TMEM178B: variants seen among roughly 807,000 people sequenced by gnomAD.
The protein encoded by TMEM178B is transmembrane protein 178B.
A neutral mutation model predicts 31.0 loss-of-function variants in TMEM178B; 5 were observed. The ratio of observed to expected loss-of-function variants is 0.16; its 90% CI spans 0.08 to 0.34. The LOEUF is 0.34. TMEM178B is among the 10% of genes least tolerant of loss of function. The probability of loss-of-function intolerance (pLI) is 1.00; values close to 1 mark genes in which losing one functional copy is unlikely to be tolerated. For missense variants in TMEM178B, 275 were observed against 400.3 expected (o/e 0.69, Z 2.67); for synonymous variants, 164 against 164.0 (o/e 1.00, Z 0.00).
Position 141,480,358 on chromosome 7 carries a change from A to G in TMEM178B, c.*9572A>G, listed in dbSNP as rs564275514. The G allele has an allele frequency of 2.0e-5, 3 of 152,362 alleles. No homozygotes were observed. Among genetic ancestry groups the G allele is most frequent in the Admixed American group, 6.5e-5 (1 of 15,302 alleles). 9.4% of individuals were successfully genotyped at this position (152,362 alleles called of 1,614,324 possible). Reference sequence around the variant, plus strand: ...AAACTGATTAAACAATTAAATAAAGAAGATTATGTTGTGTGTTTTAAAGGA... The same window carrying G: ...AAACTGATTAAACAATTAAATAAAGGAGATTATGTTGTGTGTTTTAAAGGA... On this transcript the variant is annotated 3_prime_UTR_variant, in exon 4 of 4. Coordinates refer to ENST00000565468, the MANE Select transcript of TMEM178B (RefSeq NM_001195278.2).
At chr7:141,358,310 T>A (rs976781922) in intron 2 of TMEM178B, among the ~76,000 whole-genome samples, 1 of 152,206 alleles carries the variant, frequency 6.6e-6, no homozygotes, top group Admixed American at 6.5e-5. Flanking sequence ...CCCGCTTCTT[T>A]ATTTGCCCAT....
chr7:141,258,605 G>A (rs902636476), intron 2 of TMEM178B, among the ~76,000 whole-genome samples: 6 of 152,162 alleles, frequency 3.9e-5, no homozygotes, highest in African/African-American at 1.2e-4. Flanking sequence ...CTTTCAGCCC[G>A]AGGGCTTCCT....
intron 2 of TMEM178B, among the ~76,000 whole-genome samples, chr7:141,215,337 A>ATTTTTTTTTT (rs67571979): frequency 0.08 from 11,336 of 141,344 alleles, 622 homozygotes; most frequent in East Asian, 0.24. Context: ...TATTATTATT[A>ATTTTTTTTTT]TTTTTTGAGA....
At chr7:141,336,906 T>TCATCACCACCACCACCACCACCAC (rs1799404735) in intron 2 of TMEM178B, among the ~76,000 whole-genome samples, 11 of 39,596 alleles carry the variant, frequency 2.8e-4, no homozygotes, top group Non-Finnish European at 5.9e-4. Context: ...ACCACCACCA[T>TCATCACCACCACCACCACCACCAC]CATCACCACC....
intron 2 of TMEM178B, among the ~76,000 whole-genome samples, chr7:141,320,622 C>G (rs1015041196): frequency 6.6e-6 from 1 of 152,144 alleles, no homozygotes; most frequent in Non-Finnish European, 1.5e-5. Context: ...AATTCTGGAG[C>G]GCTTTACATA....
At chr7:141,290,256 C>T (rs1798522733) in intron 2 of TMEM178B, among the ~76,000 whole-genome samples, 1 of 152,212 alleles carries the variant, frequency 6.6e-6, no homozygotes, top group Non-Finnish European at 1.5e-5. Flanking sequence ...GTCATGTGTT[C>T]ACCCCAATTC....
chr7:141,308,386 AAGC>A (rs1798853376), intron 2 of TMEM178B, among the ~76,000 whole-genome samples: 1 of 152,170 alleles, frequency 6.6e-6, no homozygotes, highest in African/African-American at 2.4e-5. Flanking sequence ...AATTTTTTAA[AAGC>A]AGAACCATTT....
chr7:141,186,660 T>A (rs752303842), intron 1 of TMEM178B, among the ~76,000 whole-genome samples: 1 of 152,250 alleles, frequency 6.6e-6, no homozygotes, highest in Non-Finnish European at 1.5e-5. Flanking sequence ...CAACATCTTG[T>A]GCTGGGCCAT....
chr7:141,327,533 A>G (rs1391591427), intron 2 of TMEM178B, among the ~76,000 whole-genome samples: 1 of 152,148 alleles, frequency 6.6e-6, no homozygotes, highest in Non-Finnish European at 1.5e-5. Context: ...GATGTTATAG[A>G]TTTCATGAAT....
At chr7:141,271,474 A>G (rs1798180093) in intron 2 of TMEM178B, among the ~76,000 whole-genome samples, 1 of 152,184 alleles carries the variant, frequency 6.6e-6, no homozygotes, top group Admixed American at 6.5e-5. Context: ...TCCATTTCTC[A>G]TGCTCATCAT....
intron 2 of TMEM178B, among the ~76,000 whole-genome samples, chr7:141,343,110 C>T (rs920261911): frequency 2.0e-5 from 3 of 152,182 alleles, no homozygotes; most frequent in Admixed American, 6.5e-5. Context: ...AGCTCCCAAG[C>T]GATGCTCACG....
At chr7:141,509,582 G>C in the TMEM178B span, among the ~76,000 whole-genome samples, 1 of 152,114 alleles carries the variant, frequency 6.6e-6, no homozygotes, top group Non-Finnish European at 1.5e-5. Context: ...CCTGGGAGGT[G>C]GAGGTTGCAG....
intron 2 of TMEM178B, among the ~76,000 whole-genome samples, chr7:141,304,009 A>G (rs553314900): frequency 6.6e-6 from 1 of 152,316 alleles, no homozygotes; most frequent in Non-Finnish European, 1.5e-5. Context: ...TAGAAACCAG[A>G]TTTCAATCAA....
intron 1 of TMEM178B, among the ~76,000 whole-genome samples, chr7:141,090,289 G>C (rs990624230): frequency 6.6e-6 from 1 of 152,122 alleles, no homozygotes; most frequent in Non-Finnish European, 1.5e-5. Flanking sequence ...ACCTCAAGGG[G>C]TCCTCCCACC....
chr7:141,212,930 A>G (rs1797072980), intron 2 of TMEM178B, among the ~76,000 whole-genome samples: 1 of 152,254 alleles, frequency 6.6e-6, no homozygotes, highest in South Asian at 2.1e-4. Flanking sequence ...CCAACCGTCA[A>G]AACTTCGGAA....
At chr7:141,177,885 C>T (rs1375782437) in intron 1 of TMEM178B, among the ~76,000 whole-genome samples, 1 of 152,104 alleles carries the variant, frequency 6.6e-6, no homozygotes, top group Non-Finnish European at 1.5e-5. Flanking sequence ...TAGGTCTTGC[C>T]TCTTTATCCA....
chr7:141,324,584 C>A, intron 2 of TMEM178B, among the ~76,000 whole-genome samples: 1 of 151,540 alleles, frequency 6.6e-6, no homozygotes, highest in East Asian at 1.9e-4. Flanking sequence ...ATGCAGCATC[C>A]CATGCCTTTG....
chr7:141,116,433 T>G (rs1795319380), intron 1 of TMEM178B, among the ~76,000 whole-genome samples: 1 of 152,084 alleles, frequency 6.6e-6, no homozygotes, highest in Non-Finnish European at 1.5e-5. Flanking sequence ...TTTAGTTCAT[T>G]TAGGGAGTTG....
chr7:141,419,007 A>G (rs1346815014), intron 2 of TMEM178B, among the ~76,000 whole-genome samples: 2 of 152,186 alleles, frequency 1.3e-5, no homozygotes, highest in Admixed American at 6.5e-5. Context: ...TCCCAGGTAC[A>G]AGTGATTATC....
Sources: allele counts gnomAD v4.1 joint callset (sites outside exome capture counted in the v4.1 genomes callset), GRCh38; gene constraint gnomAD v4.1.1; transcripts MANE v1.5; gene names NCBI Gene and HGNC (gene_info 2026-07-23, HGNC 2026-07-21).